Variants in ZNF407 observed in about 807,000 individuals in gnomAD.
ZNF407 encodes zinc finger protein 407.
In ZNF407, 17 loss-of-function variants were observed where a neutral mutation model predicts 131.2. The ratio of observed to expected loss-of-function variants is 0.13; its 90% CI spans 0.09 to 0.19. ZNF407 has a LOEUF of 0.19. Among genes scored for constraint, ZNF407 ranks in the 10% least tolerant of loss-of-function variants. ZNF407 has a pLI of 1.00. For synonymous variants in ZNF407, 1,156 were observed against 1,062.0 expected (o/e 1.09, Z -1.72); for missense variants, 2,681 against 2,830.6 (o/e 0.95, Z 1.20).
At chr18:74,968,180 T>G (rs1489086112) in intron 8 of ZNF407, among the ~76,000 whole-genome samples, 2 of 152,202 alleles carry the variant, frequency 1.3e-5, no homozygotes, top group Non-Finnish European at 1.5e-5. Flanking sequence ...TCCGTAGTGA[T>G]TGCTTTAGGT....
At chr18:74,695,365 C>T (rs1054194548) in intron 3 of ZNF407, among the ~76,000 whole-genome samples, 3 of 152,200 alleles carry the variant, frequency 2.0e-5, no homozygotes, top group Admixed American at 2.0e-4. Context: ...AGGATACGAG[C>T]ATGTGGCTTG....
chr18:75,033,325 C>T (rs890851911), intron 8 of ZNF407, among the ~76,000 whole-genome samples: 12 of 152,326 alleles, frequency 7.9e-5, no homozygotes, highest in African/African-American at 2.4e-4. Flanking sequence ...TAAGAATGCT[C>T]GGAAAGCCTC....
chr18:74,690,436 T>G (rs1292642410), intron 3 of ZNF407, among the ~76,000 whole-genome samples: 2 of 128,724 alleles, frequency 1.6e-5, no homozygotes, highest in African/African-American at 5.0e-5. Flanking sequence ...ATTAGTTTTT[T>G]TTTGTTTTTT....
chr18:74,860,414 T>C (rs942758662), intron 4 of ZNF407, among the ~76,000 whole-genome samples: 1 of 151,976 alleles, frequency 6.6e-6, no homozygotes, highest in African/African-American at 2.4e-5. Flanking sequence ...TTGAGAAGTA[T>C]GTAATTGTTA....
intron 3 of ZNF407, among the ~76,000 whole-genome samples, chr18:74,765,395 A>G (rs1220208632): frequency 6.6e-6 from 1 of 152,092 alleles, no homozygotes; most frequent in Non-Finnish European, 1.5e-5. Flanking sequence ...TTGTAGTTCA[A>G]TAAATATTCT....
At chr18:74,636,118 T>C (rs1984451655) in intron 2 of ZNF407, among the ~76,000 whole-genome samples, 1 of 152,142 alleles carries the variant, frequency 6.6e-6, no homozygotes, top group African/African-American at 2.4e-5. Context: ...TCTTACAATA[T>C]CAGGGATGTA....
At chr18:74,962,632 C>CCAT (rs1223752865) in intron 8 of ZNF407, among the ~76,000 whole-genome samples, 3 of 152,230 alleles carry the variant, frequency 2.0e-5, no homozygotes, top group Admixed American at 2.0e-4. Flanking sequence ...GCCCAGTCCT[C>CCAT]CATGTCTCGT....
chr18:74,974,582 C>A (rs1972507868), intron 8 of ZNF407, among the ~76,000 whole-genome samples: 1 of 152,068 alleles, frequency 6.6e-6, no homozygotes, highest in African/African-American at 2.4e-5. Flanking sequence ...TATATTTATG[C>A]CTTTCAGTAG....
chr18:74,938,981 T>C (rs1320025380), intron 8 of ZNF407, among the ~76,000 whole-genome samples: 2 of 152,184 alleles, frequency 1.3e-5, no homozygotes, highest in Non-Finnish European at 2.9e-5. Context: ...GAGAAAACAG[T>C]CATTAAGAGC....
chr18:74,956,620 G>A lies in ZNF407; in HGVS notation c.5428+35928G>A, dbSNP rs186658523. Among the ~76,000 whole-genome samples, 257 of 152,248 alleles carry A rather than the reference G, an allele frequency of 1.7e-3. 2 individuals carry two copies. Among genetic ancestry groups the A allele is most frequent in the Admixed American group, 0.015 (236 of 15,302 alleles). On this transcript the variant is annotated intron_variant, in intron 8 of 8. Transcript: ENST00000299687. ...TTGAGATGAAGGTTTGTATCAGTGG[G>A]TGTCGTGATGTGATGAAGGGACAGT...
chr18:74,980,666 T>C (rs1314874564), intron 8 of ZNF407, among the ~76,000 whole-genome samples: 2 of 152,174 alleles, frequency 1.3e-5, no homozygotes, highest in Non-Finnish European at 2.9e-5. Context: ...AAATCCTCCT[T>C]TCTCTATGAG....
At chr18:74,705,900 T>C (rs1008576573) in intron 3 of ZNF407, among the ~76,000 whole-genome samples, 2 of 152,230 alleles carry the variant, frequency 1.3e-5, no homozygotes, top group African/African-American at 4.8e-5. Context: ...CATTGTATCC[T>C]AGTACTCTAT....
At chr18:74,698,025 T>C (rs1268718803) in intron 3 of ZNF407, among the ~76,000 whole-genome samples, 1 of 152,192 alleles carries the variant, frequency 6.6e-6, no homozygotes, top group African/African-American at 2.4e-5. Context: ...CATATCAGCA[T>C]ATTTGATTAC....
At chr18:74,678,395 T>C (rs1466094529) in intron 3 of ZNF407, among the ~76,000 whole-genome samples, 1 of 152,144 alleles carries the variant, frequency 6.6e-6, no homozygotes, top group Non-Finnish European at 1.5e-5. Flanking sequence ...TAGGATAGCT[T>C]CTCCCTTTCC....
chr18:74,988,648 TAAA>T (rs561159882), intron 8 of ZNF407, among the ~76,000 whole-genome samples: 1 of 150,642 alleles, frequency 6.6e-6, no homozygotes, highest in Non-Finnish European at 1.5e-5. Flanking sequence ...ATAATAATAA[TAAA>T]AAAAATAAAT....
chr18:74,745,977 A>T (rs1193730469), intron 3 of ZNF407, among the ~76,000 whole-genome samples: 2 of 152,034 alleles, frequency 1.3e-5, no homozygotes, highest in Non-Finnish European at 2.9e-5. Flanking sequence ...AATGATGGGG[A>T]TATGTTCTGA....
intron 7 of ZNF407, among the ~76,000 whole-genome samples, chr18:74,911,419 C>A (rs1222320711): frequency 1.3e-5 from 2 of 152,148 alleles, no homozygotes; most frequent in African/African-American, 4.8e-5. Flanking sequence ...CCTTTAGCAG[C>A]AATTGATATA....
At chr18:74,649,161 A>G (rs981127474) in intron 3 of ZNF407, among the ~76,000 whole-genome samples, 4 of 152,220 alleles carry the variant, frequency 2.6e-5, no homozygotes, top group Non-Finnish European at 5.9e-5. Context: ...TTTCCACTCA[A>G]TTTTAAAAAG....
chr18:74,962,486 G>T (rs1015677749), intron 8 of ZNF407, among the ~76,000 whole-genome samples: 1 of 152,198 alleles, frequency 6.6e-6, no homozygotes, highest in Non-Finnish European at 1.5e-5. Context: ...CATTTCCTAG[G>T]TGTCTCTGTG....
Sources: allele counts gnomAD v4.1 joint callset (sites outside exome capture counted in the v4.1 genomes callset), GRCh38; gene constraint gnomAD v4.1.1; transcripts MANE v1.5; gene names NCBI Gene and HGNC (gene_info 2026-07-23, HGNC 2026-07-21).